HSPA12A: variants seen among roughly 807,000 people sequenced by gnomAD.
HSPA12A encodes the protein heat shock 70 kDa protein 12A.
HSPA12A carries 28 observed loss-of-function variants against 69.2 expected under a neutral mutation model. The ratio of observed to expected loss-of-function variants is 0.40; its 90% CI spans 0.30 to 0.55. The LOEUF (loss-of-function observed/expected upper bound fraction) is 0.55, where lower values mean the gene tolerates loss of function less well. Ranked by LOEUF, HSPA12A falls within the 20% of genes least tolerant of loss-of-function variation. The probability of loss-of-function intolerance (pLI) is 0.38; values close to 1 mark genes in which losing one functional copy is unlikely to be tolerated. For missense variants in HSPA12A, 686 were observed against 900.7 expected (o/e 0.76, Z 3.05); for synonymous variants, 345 against 370.5 (o/e 0.93, Z 0.79).
intron 2 of HSPA12A, among the ~76,000 whole-genome samples, chr10:116,824,999 G>A (rs952400166): frequency 7.4e-5 from 11 of 148,028 alleles, no homozygotes; most frequent in African/African-American, 2.2e-4. Context: ...ATCAGCCCGG[G>A]CAACATGGCA....
intron 3 of HSPA12A, among the ~76,000 whole-genome samples, chr10:116,701,364 G>A (rs1850072422): frequency 6.6e-6 from 1 of 152,240 alleles, no homozygotes; most frequent in Non-Finnish European, 1.5e-5. Flanking sequence ...TTCATTCCAT[G>A]TTTACTGAGC....
At chr10:116,705,428 G>T in intron 2 of HSPA12A, 150 bp from the exon 3 acceptor site, 1 of 978,874 alleles carries the variant, frequency 1.0e-6, no homozygotes, top group Non-Finnish European at 1.6e-6. Flanking sequence ...CACCTGGGGA[G>T]AAGGCAGCCC....
intron 1 of HSPA12A, among the ~76,000 whole-genome samples, chr10:116,837,344 C>T (rs1845732859): frequency 6.6e-6 from 1 of 152,192 alleles, no homozygotes; most frequent in South Asian, 2.1e-4. Flanking sequence ...CGCCATGCTG[C>T]CCGCTACCAA....
chr10:116,836,768 AACACAC>A (rs75862523), intron 1 of HSPA12A, among the ~76,000 whole-genome samples: 76 of 146,540 alleles, frequency 5.2e-4, no homozygotes, highest in Admixed American at 6.9e-4. Context: ...AAACGAACCG[AACACAC>A]ACACACACAC....
intron 2 of HSPA12A, among the ~76,000 whole-genome samples, chr10:116,762,226 G>T (rs1472245985): frequency 6.6e-6 from 1 of 152,164 alleles, no homozygotes; most frequent in Non-Finnish European, 1.5e-5. Flanking sequence ...CTCCTCATCA[G>T]CCCTGTGGGC....
chr10:116,798,593 G>C (rs942260400), intron 2 of HSPA12A, among the ~76,000 whole-genome samples: 2 of 152,056 alleles, frequency 1.3e-5, no homozygotes. Flanking sequence ...GGGGTGGGGG[G>C]TGAAGGACCG....
intron 2 of HSPA12A, among the ~76,000 whole-genome samples, chr10:116,768,319 A>G (rs1229211664): frequency 6.6e-6 from 1 of 152,214 alleles, no homozygotes; most frequent in African/African-American, 2.4e-5. Context: ...AGAGACAGAA[A>G]GCAGATTAGT....
At chr10:116,826,990 G>C (rs1323054907) in intron 2 of HSPA12A, among the ~76,000 whole-genome samples, 3 of 152,186 alleles carry the variant, frequency 2.0e-5, no homozygotes, top group Non-Finnish European at 2.9e-5. Flanking sequence ...AGACTAGTAA[G>C]TGGCAAGCCC....
chr10:116,718,941 C>T (rs578189601), intron 1 of HSPA12A, among the ~76,000 whole-genome samples: 585 of 152,082 alleles, frequency 3.8e-3, no homozygotes, highest in Admixed American at 6.3e-3. Flanking sequence ...TGAATCGACA[C>T]GAGATTCACT....
intron 1 of HSPA12A, among the ~76,000 whole-genome samples, chr10:116,845,993 ACT>A (rs1360056983): frequency 1.3e-5 from 2 of 152,248 alleles, no homozygotes; most frequent in South Asian, 4.1e-4. Flanking sequence ...TTGATGACTC[ACT>A]CTGATATAAG....
intron 6 of HSPA12A, among the ~76,000 whole-genome samples, chr10:116,688,915 A>C (rs1849654565): frequency 1.3e-5 from 2 of 152,216 alleles, no homozygotes; most frequent in Non-Finnish European, 2.9e-5. Context: ...GCCTCAGAAG[A>C]GGGATCAGCT....
intron 2 of HSPA12A, among the ~76,000 whole-genome samples, chr10:116,785,872 A>AT (rs201960187): frequency 6.7e-6 from 1 of 150,178 alleles, no homozygotes; most frequent in African/African-American, 2.5e-5. Flanking sequence ...GATTCCTCCT[A>AT]TTTCCCCCCC....
At chr10:116,740,961 T>G (rs1411960855) in intron 1 of HSPA12A, among the ~76,000 whole-genome samples, 2 of 84,686 alleles carry the variant, frequency 2.4e-5, no homozygotes, top group African/African-American at 4.7e-5. Flanking sequence ...AGGAAAAAAG[T>G]AAAAAAAAAA....
At chr10:116,849,696 T>G in exon 1 of HSPA12A, 1 of 1,544,472 alleles carries the variant, frequency 6.5e-7, no homozygotes, top group Non-Finnish European at 8.7e-7. Context: ...CAACTCCACC[T>G]TCTACCTCCA....
At chr10:116,809,558 G>C (rs1845133787) in intron 2 of HSPA12A, among the ~76,000 whole-genome samples, 1 of 152,238 alleles carries the variant, frequency 6.6e-6, no homozygotes, top group African/African-American at 2.4e-5. Context: ...CTGGCACACA[G>C]GAAGTGCTCA....
At chr10:116,700,064 C>A (rs10787716) in intron 4 of HSPA12A, among the ~76,000 whole-genome samples, 42,526 of 151,980 alleles carry the variant, frequency 0.28, 6,196 homozygotes, top group Middle Eastern at 0.4. Context: ...TTAATCCCTA[C>A]AAAATCCCCA....
intron 1 of HSPA12A, among the ~76,000 whole-genome samples, chr10:116,730,997 G>A (rs909824984): frequency 1.1e-4 from 17 of 152,226 alleles, no homozygotes; most frequent in East Asian, 5.8e-4. Flanking sequence ...GCTCCCAGGC[G>A]TGGGCCAGCT....
At chr10:116,819,689 G>C (rs1845374989) in intron 2 of HSPA12A, among the ~76,000 whole-genome samples, 1 of 152,218 alleles carries the variant, frequency 6.6e-6, no homozygotes, top group Admixed American at 6.5e-5. Flanking sequence ...GCCTCAACAG[G>C]CTATGATAGG....
At chr10:116,720,922 T>G (rs1850756140) in intron 1 of HSPA12A, among the ~76,000 whole-genome samples, 1 of 152,220 alleles carries the variant, frequency 6.6e-6, no homozygotes, top group Non-Finnish European at 1.5e-5. Context: ...CGATGGGAAC[T>G]GCCCAGGATG....
Sources: allele counts gnomAD v4.1 joint callset (sites outside exome capture counted in the v4.1 genomes callset), GRCh38; gene constraint gnomAD v4.1.1; transcripts MANE v1.5; gene names NCBI Gene and HGNC (gene_info 2026-07-23, HGNC 2026-07-21).